The following AK5 variants were observed in gnomAD, a reference collection of about 807,000 sequenced individuals.
The protein encoded by AK5 is adenylate kinase 5.
A neutral mutation model predicts 69.5 loss-of-function variants in AK5; 27 were observed. That is an observed-to-expected ratio of 0.39 (90% CI 0.29 to 0.54). The LOEUF (loss-of-function observed/expected upper bound fraction) is 0.54. Ranked by LOEUF, AK5 falls within the 20% of genes least tolerant of loss-of-function variation. AK5 has a pLI of 0.71. For synonymous variants in AK5, 260 were observed against 244.4 expected (o/e 1.06, Z -0.60); for missense variants, 531 against 700.4 (o/e 0.76, Z 2.73).
intron 8 of AK5, among the ~76,000 whole-genome samples, chr1:77,427,047 A>G (rs1651259084): frequency 6.6e-6 from 1 of 152,110 alleles, no homozygotes; most frequent in Admixed American, 6.5e-5. Context: ...CATATATTAG[A>G]ACAAAAGAAA....
intron 8 of AK5, among the ~76,000 whole-genome samples, chr1:77,423,189 C>T (rs532273229): frequency 9.1e-5 from 13 of 143,224 alleles, no homozygotes; most frequent in African/African-American, 3.4e-4. Context: ...CCACTGCACT[C>T]CTGCCTGGGC....
rs1011597063 is a variant in AK5 at position 77,531,668 on chromosome 1, G to C, written c.1429-4179G>C. Among the ~76,000 whole-genome samples the C allele has an allele frequency of 2.6e-5, 4 of 152,294 alleles. No individual in the cohort carries two copies. The East Asian group carries it at 7.8e-4, about 30-fold the overall frequency. ...TTAGCTAGACATAAAGGTTCTCCAA[G>C]TCCCCACCAGACTCAGGAGCCCAGC... is the stretch of plus-strand genomic sequence containing the variant. On this transcript the variant is annotated intron_variant, in intron 12 of 13. Transcript: ENST00000354567.
intron 6 of AK5, among the ~76,000 whole-genome samples, chr1:77,374,465 C>G (rs1193663708): frequency 7.1e-6 from 1 of 141,618 alleles, no homozygotes; most frequent in African/African-American, 2.6e-5. Context: ...GCCCAAAGGT[C>G]AGGTTTAGTA....
At chr1:77,384,282 G>T (rs1647854980) in intron 6 of AK5, among the ~76,000 whole-genome samples, 1 of 152,124 alleles carries the variant, frequency 6.6e-6, no homozygotes, top group Non-Finnish European at 1.5e-5. Flanking sequence ...TTTACACTAT[G>T]GTTGTAAAAG....
At chr1:77,448,968 T>C (rs1275662870) in intron 8 of AK5, among the ~76,000 whole-genome samples, 1 of 152,280 alleles carries the variant, frequency 6.6e-6, no homozygotes, top group South Asian at 2.1e-4. Context: ...AGAGGATATA[T>C]GGAAATGCCT....
chr1:77,518,582 A>G lies in AK5; in HGVS notation c.1166A>G (p.Lys389Arg). The change falls in exon 11 of 14, where the codon AAA (lysine) becomes AGA (arginine). Residue 389 changes from lysine (K) to arginine (R), a missense_variant. Coordinates refer to ENST00000354567, the MANE Select transcript of AK5 (RefSeq NM_174858.3). ...TTTCAAGGTGGTCCTGGCTCTGGCA[A>G]AGGCACACAGTGTGAAAAGCTGGTG... ...IFIIGGPGSG[K>R]GTQCEKLVEK... is the part of the protein sequence containing the mutation. 6.2e-7 allele frequency: 1 copy of G among 1,614,156 alleles called. No individual in the cohort carries two copies. Among genetic ancestry groups the G allele is most frequent in the Non-Finnish European group, 8.5e-7 (1 of 1,179,992 alleles).
At chr1:77,500,139 A>G (rs1454419429) in intron 10 of AK5, among the ~76,000 whole-genome samples, 1 of 151,986 alleles carries the variant, frequency 6.6e-6, no homozygotes, top group African/African-American at 2.4e-5. Flanking sequence ...AGGTAAAACA[A>G]TGAGGCATGG....
chr1:77,355,974 T>G (rs1035090710), intron 6 of AK5, among the ~76,000 whole-genome samples: 1 of 151,976 alleles, frequency 6.6e-6, no homozygotes, highest in African/African-American at 2.4e-5. Context: ...AAACAAAGCC[T>G]GAAAAAATGT....
chr1:77,297,335 A>G (rs1325839528), intron 3 of AK5, among the ~76,000 whole-genome samples: 1 of 152,186 alleles, frequency 6.6e-6, no homozygotes, highest in Admixed American at 6.5e-5. Context: ...GTAGAGGAAA[A>G]ACCTGTATCT....
At chr1:77,472,984 A>G (rs1371089393) in intron 8 of AK5, among the ~76,000 whole-genome samples, 1 of 122,332 alleles carries the variant, frequency 8.2e-6, no homozygotes, top group Non-Finnish European at 1.8e-5. Flanking sequence ...GAGCCCGCCC[A>G]GATAATCCAG....
Position 77,282,143 on chromosome 1 carries a change from A to G in AK5, c.-171A>G, listed in dbSNP as rs1024929647. ...CGCGGAGACCACAGCCCCCGGGGAG[A>G]GGCGGAGGGGGTCCCTGGCCTGGGC... On this transcript the variant is annotated 5_prime_UTR_variant, in exon 1 of 14. Transcript: ENST00000354567. 6.1e-6 allele frequency: 3 copies of G among 491,426 alleles called. No homozygotes were observed. The highest frequency in any genetic ancestry group is 1.1e-5 in the Non-Finnish European group (3 of 285,312). The allele number at this position is 491,426 out of a possible 1,614,324, so 30.4% of individuals were successfully genotyped here.
At chr1:77,394,211 T>C in intron 6 of AK5, among the ~76,000 whole-genome samples, 1 of 139,394 alleles carries the variant, frequency 7.2e-6, no homozygotes, top group East Asian at 2.3e-4. Flanking sequence ...CGAGACTCCA[T>C]CTCAAAAAAA....
At chr1:77,335,385 T>G (rs201959784) in intron 5 of AK5, among the ~76,000 whole-genome samples, 3 of 13,974 alleles carry the variant, frequency 2.1e-4, no homozygotes, top group Non-Finnish European at 2.9e-4. Context: ...GTTTTTTGGG[T>G]TTTTTTTTTT....
intron 6 of AK5, among the ~76,000 whole-genome samples, chr1:77,387,628 C>T (rs1330719064): frequency 6.6e-6 from 1 of 152,184 alleles, no homozygotes; most frequent in Admixed American, 6.5e-5. Flanking sequence ...CTTTCCTAAA[C>T]CCCAATCATA....
At chr1:77,405,199 C>T (rs1024425198) in intron 6 of AK5, among the ~76,000 whole-genome samples, 1 of 152,182 alleles carries the variant, frequency 6.6e-6, no homozygotes, top group African/African-American at 2.4e-5. Flanking sequence ...TTAAATAGAC[C>T]ATCTCTGTAG....
Position 77,411,112 on chromosome 1 carries a change from A to G in AK5, c.982+41A>G, listed in dbSNP as rs201388593. 1.1e-5 allele frequency: 17 copies of G among 1,542,932 alleles called. No individual in the cohort carries two copies. In the East Asian group the frequency reaches 3.6e-4, roughly 33 times the overall value. Reference sequence around the variant, plus strand: ...CTTTAGACAACAGTACGCCGTGATCACCTGCCAAATGTCTGGGGCTTTGTA... The same window carrying G: ...CTTTAGACAACAGTACGCCGTGATCGCCTGCCAAATGTCTGGGGCTTTGTA... On this transcript the variant is annotated intron_variant, in intron 7 of 13. Transcript: ENST00000354567.
chr1:77,522,665 T>C (rs1339883177), intron 12 of AK5, among the ~76,000 whole-genome samples: 1 of 152,028 alleles, frequency 6.6e-6, no homozygotes, highest in African/African-American at 2.4e-5. Context: ...GGAGCAGCAG[T>C]AAGTAAAAAC....
chr1:77,480,612 A>G (rs571625251), intron 8 of AK5, among the ~76,000 whole-genome samples: 18 of 152,330 alleles, frequency 1.2e-4, no homozygotes, highest in African/African-American at 4.1e-4. Flanking sequence ...AATATTAAAA[A>G]TTGAGGGAGA....
chr1:77,482,035 G>A (rs904752938), intron 8 of AK5, among the ~76,000 whole-genome samples: 1 of 152,212 alleles, frequency 6.6e-6, no homozygotes. Context: ...CAGAGAAAAA[G>A]CAAGTGGAGG....
Sources: gnomAD v4.1 joint callset for allele counts (sites outside exome capture counted in the v4.1 genomes callset) on GRCh38, gnomAD v4.1.1 for gene constraint, MANE v1.5 for transcripts, NCBI Gene and HGNC (gene_info 2026-07-23, HGNC 2026-07-21) for gene names.